AGBL4: variants seen among roughly 807,000 people sequenced by gnomAD.
AGBL4 encodes the protein cytosolic carboxypeptidase 6.
AGBL4 carries 58 observed loss-of-function variants against 66.4 expected under a neutral mutation model. The ratio of observed to expected loss-of-function variants is 0.87; its 90% CI spans 0.71 to 1.09. AGBL4 has a LOEUF of 1.09. Ranked by LOEUF, AGBL4 falls within the 50% of genes least tolerant of loss-of-function variation. The pLI, the probability that AGBL4 is intolerant of heterozygous loss-of-function variation, is 0.00. For synonymous variants in AGBL4, 234 were observed against 222.9 expected, an observed-to-expected ratio of 1.05 and a Z score of -0.44; for missense variants, 579 against 631.0, an observed-to-expected ratio of 0.92 and a Z score of 0.88.
intron 3 of AGBL4, among the ~76,000 whole-genome samples, chr1:49,597,295 C>T (rs1644870692): frequency 6.6e-6 from 1 of 152,118 alleles, no homozygotes; most frequent in African/African-American, 2.4e-5. Context: ...AGCTTACAGC[C>T]TTATAATGCA....
At chr1:48,613,560 C>T (rs1476815747) in intron 9 of AGBL4, among the ~76,000 whole-genome samples, 1 of 152,182 alleles carries the variant, frequency 6.6e-6, no homozygotes, top group Non-Finnish European at 1.5e-5. Context: ...TTGGCCTTGG[C>T]TTGAGGACAC....
At position 49,487,762 on chromosome 1, in the gene AGBL4, T is replaced by G. The variant is rs182943702; in HGVS notation, c.282+209551A>C. Among the ~76,000 whole-genome samples the G allele has an allele frequency of 2.3e-4, 35 of 151,966 alleles. No homozygotes were observed. In the East Asian group the frequency reaches 5.6e-3, roughly 24 times the overall value. On this transcript the variant is annotated intron_variant, in intron 3 of 13. Transcript: ENST00000371839. ...TGCCATTATCATCTTATTTTAAAAA[T>G]GAAAAACCTATGGTCTAGAAAAGTA...
At chr1:49,318,919 G>C (rs1429631530) in intron 3 of AGBL4, among the ~76,000 whole-genome samples, 1 of 151,986 alleles carries the variant, frequency 6.6e-6, no homozygotes, top group African/African-American at 2.4e-5. Flanking sequence ...TTTTGCCCAG[G>C]GTTAATGAAC....
intron 3 of AGBL4, among the ~76,000 whole-genome samples, chr1:49,497,764 C>T (rs1380283447): frequency 3.9e-5 from 6 of 151,946 alleles, no homozygotes; most frequent in Non-Finnish European, 8.8e-5. Flanking sequence ...ATGCCAGTGC[C>T]ATGCTGTTTT....
chr1:49,924,521 A>G (rs969702253), intron 1 of AGBL4, among the ~76,000 whole-genome samples: 2 of 151,976 alleles, frequency 1.3e-5, no homozygotes, highest in South Asian at 2.1e-4. Context: ...TTATTTATTT[A>G]TTTGATTGAT....
chr1:48,960,876 T>A (rs1021333621), intron 5 of AGBL4, among the ~76,000 whole-genome samples: 3 of 152,216 alleles, frequency 2.0e-5, no homozygotes, highest in African/African-American at 7.2e-5. Flanking sequence ...ATAATAGTTG[T>A]GAAAACATTT....
At chr1:49,434,865 T>C (rs1645868025) in intron 3 of AGBL4, among the ~76,000 whole-genome samples, 1 of 152,158 alleles carries the variant, frequency 6.6e-6, no homozygotes, top group Admixed American at 6.5e-5. Flanking sequence ...GAAGTTATTC[T>C]GTCCTCTGCA....
intron 1 of AGBL4, among the ~76,000 whole-genome samples, chr1:49,899,692 C>T (rs1364746494): frequency 6.6e-6 from 1 of 152,076 alleles, no homozygotes. Flanking sequence ...TAAAATGGGA[C>T]TTACTGTGAC....
At chr1:49,468,175 T>C (rs1446797028) in intron 3 of AGBL4, among the ~76,000 whole-genome samples, 1 of 151,860 alleles carries the variant, frequency 6.6e-6, no homozygotes, top group Non-Finnish European at 1.5e-5. Flanking sequence ...GACTTGAGTA[T>C]GTAAGGATTT....
At chr1:49,863,411 C>G (rs746744780) in intron 1 of AGBL4, among the ~76,000 whole-genome samples, 1 of 152,132 alleles carries the variant, frequency 6.6e-6, no homozygotes. Context: ...ACACAGACAA[C>G]CAAAGCAACA....
intron 3 of AGBL4, among the ~76,000 whole-genome samples, chr1:49,514,255 T>C (rs1337956869): frequency 6.6e-6 from 1 of 151,934 alleles, no homozygotes; most frequent in Non-Finnish European, 1.5e-5. Context: ...TCCAACACTG[T>C]GTTGAATAGG....
At chr1:49,566,697 A>T (rs1042751625) in intron 3 of AGBL4, among the ~76,000 whole-genome samples, 1 of 152,168 alleles carries the variant, frequency 6.6e-6, no homozygotes, top group Non-Finnish European at 1.5e-5. Context: ...GTGAGGTGTC[A>T]GTCCGCCCCT....
intron 9 of AGBL4, among the ~76,000 whole-genome samples, chr1:48,627,637 T>G (rs74079432): frequency 0.024 from 3,581 of 151,768 alleles, 138 homozygotes; most frequent in African/African-American, 0.083. Flanking sequence ...AAAACTGCTC[T>G]GCGTTGTTAT....
intron 3 of AGBL4, among the ~76,000 whole-genome samples, chr1:49,652,894 G>A (rs992241857): frequency 1.4e-4 from 21 of 152,230 alleles, no homozygotes; most frequent in African/African-American, 4.8e-4. Flanking sequence ...TTTTCTAACT[G>A]CTGGCTCTCA....
chr1:49,982,943 A>G (rs1439194550), intron 1 of AGBL4, among the ~76,000 whole-genome samples: 2 of 152,170 alleles, frequency 1.3e-5, no homozygotes, highest in African/African-American at 4.8e-5. Flanking sequence ...CTCTCTCATG[A>G]GAGCTGAGCA....
intron 3 of AGBL4, among the ~76,000 whole-genome samples, chr1:49,298,172 G>A (rs1434822083): frequency 6.6e-6 from 1 of 152,190 alleles, no homozygotes; most frequent in African/African-American, 2.4e-5. Context: ...CCAGGCCAGG[G>A]ACAACTTTGC....
intron 3 of AGBL4, among the ~76,000 whole-genome samples, chr1:49,288,579 C>A (rs893788150): frequency 1.3e-5 from 2 of 152,120 alleles, no homozygotes; most frequent in Non-Finnish European, 1.5e-5. Context: ...CTAAGCTGCT[C>A]ATATACATGG....
intron 4 of AGBL4, among the ~76,000 whole-genome samples, chr1:49,234,968 C>G (rs1307843500): frequency 1.3e-5 from 2 of 152,156 alleles, no homozygotes; most frequent in Non-Finnish European, 2.9e-5. Context: ...TTTTCTGTCT[C>G]TTAGAGCAAC....
At chr1:49,244,505 T>C (rs1651480425) in intron 4 of AGBL4, among the ~76,000 whole-genome samples, 1 of 151,814 alleles carries the variant, frequency 6.6e-6, no homozygotes, top group African/African-American at 2.4e-5. Context: ...CCTACACTTT[T>C]ATAAACCTGA....
Sources: allele counts gnomAD v4.1 joint callset (sites outside exome capture counted in the v4.1 genomes callset), GRCh38; gene constraint gnomAD v4.1.1; transcripts MANE v1.5; gene names NCBI Gene and HGNC (gene_info 2026-07-23, HGNC 2026-07-21).